The following PTPRD variants were observed in gnomAD, a reference collection of about 807,000 sequenced individuals.
PTPRD encodes receptor-type tyrosine-protein phosphatase delta.
In PTPRD, 34 loss-of-function variants were observed where a neutral mutation model predicts 214.5. The observed-to-expected ratio is 0.16, with a 90% CI of 0.12 to 0.21. The LOEUF (loss-of-function observed/expected upper bound fraction) is 0.21. PTPRD is among the 10% of genes least tolerant of loss of function. The probability of loss-of-function intolerance (pLI) is 1.00; values close to 1 mark genes in which losing one functional copy is unlikely to be tolerated. For missense variants in PTPRD, 2,545 were observed against 2,398.7 expected, an observed-to-expected ratio of 1.06 and a Z score of -1.27; for synonymous variants, 1,128 against 845.7, an observed-to-expected ratio of 1.33 and a Z score of -5.79.
At chr9:9,358,878 C>T (rs188226621) in intron 9 of PTPRD, among the ~76,000 whole-genome samples, 220 of 151,402 alleles carry the variant, frequency 1.5e-3, no homozygotes, top group African/African-American at 5.1e-3. Context: ...CTCTGAGAAG[C>T]CCACAATCAA....
At chr9:10,443,025 A>C (rs1463828362) in intron 2 of PTPRD, among the ~76,000 whole-genome samples, 1 of 151,050 alleles carries the variant, frequency 6.6e-6, no homozygotes, top group African/African-American at 2.4e-5. Context: ...AGAATTATAC[A>C]TTTTAAGATA....
intron 2 of PTPRD, among the ~76,000 whole-genome samples, chr9:10,369,637 G>T (rs1476494921): frequency 2.6e-5 from 4 of 151,998 alleles, no homozygotes; most frequent in African/African-American, 9.7e-5. Flanking sequence ...ATTTAATTTG[G>T]TTCTTCTAAG....
At chr9:9,527,978 C>T (rs534531228) in intron 8 of PTPRD, among the ~76,000 whole-genome samples, 2 of 152,158 alleles carry the variant, frequency 1.3e-5, no homozygotes, top group African/African-American at 4.8e-5. Flanking sequence ...GACTATGATC[C>T]CAAAAAGAAT....
chr9:8,659,309 G>A (rs555952902), intron 12 of PTPRD, among the ~76,000 whole-genome samples: 1 of 152,314 alleles, frequency 6.6e-6, no homozygotes, highest in Non-Finnish European at 1.5e-5. Context: ...TGGCTACCAT[G>A]CCAGAGAAGT....
chr9:10,439,322 G>A (rs1483567578), intron 2 of PTPRD, among the ~76,000 whole-genome samples: 2 of 151,698 alleles, frequency 1.3e-5, no homozygotes, highest in East Asian at 3.9e-4. Context: ...GAGCAATGCT[G>A]GCAACTAATG....
At chr9:9,866,579 A>C (rs1323729531) in intron 5 of PTPRD, among the ~76,000 whole-genome samples, 1 of 152,160 alleles carries the variant, frequency 6.6e-6, no homozygotes, top group Non-Finnish European at 1.5e-5. Context: ...AAATTTAAAG[A>C]GGGGAATAAT....
At chr9:10,558,599 T>C (rs1452111249) in intron 2 of PTPRD, among the ~76,000 whole-genome samples, 1 of 152,176 alleles carries the variant, frequency 6.6e-6, no homozygotes, top group Non-Finnish European at 1.5e-5. Context: ...TTACAGCATT[T>C]ACCATGATGT....
chr9:8,326,171 G>C (rs1833521304), intron 44 of PTPRD, among the ~76,000 whole-genome samples: 1 of 152,188 alleles, frequency 6.6e-6, no homozygotes, highest in African/African-American at 2.4e-5. Context: ...AGTGCTTCCA[G>C]TTTTTGCCCA....
intron 4 of PTPRD, among the ~76,000 whole-genome samples, chr9:9,975,903 G>T (rs1026746766): frequency 2.0e-5 from 3 of 152,144 alleles, no homozygotes; most frequent in Non-Finnish European, 4.4e-5. Context: ...GCATTATTTG[G>T]CATACAGTAT....
intron 4 of PTPRD, among the ~76,000 whole-genome samples, chr9:10,018,751 G>A (rs1293453009): frequency 3.8e-4 from 57 of 150,586 alleles, no homozygotes; most frequent in South Asian, 6.4e-4. Flanking sequence ...GGGTTTCACC[G>A]TTTTAGCCGG....
At chr9:8,722,213 A>G (rs1240093771) in intron 12 of PTPRD, among the ~76,000 whole-genome samples, 1 of 151,900 alleles carries the variant, frequency 6.6e-6, no homozygotes, top group Non-Finnish European at 1.5e-5. Flanking sequence ...AGGACTTCAC[A>G]TTCAGGATCT....
At chr9:10,427,051 G>A (rs956409649) in intron 2 of PTPRD, among the ~76,000 whole-genome samples, 1 of 151,920 alleles carries the variant, frequency 6.6e-6, no homozygotes, top group Non-Finnish European at 1.5e-5. Flanking sequence ...GGTATTTTGG[G>A]GGGTATTGTT....
At chr9:9,112,565 A>G (rs776595248) in intron 10 of PTPRD, among the ~76,000 whole-genome samples, 1 of 152,026 alleles carries the variant, frequency 6.6e-6, no homozygotes, top group Admixed American at 6.6e-5. Flanking sequence ...ATTGTAAGGC[A>G]CTCCCTGAAA....
At chr9:10,269,703 A>G (rs949690708) in intron 3 of PTPRD, among the ~76,000 whole-genome samples, 4 of 152,186 alleles carry the variant, frequency 2.6e-5, no homozygotes, top group Admixed American at 6.5e-5. Context: ...AAATTACAAC[A>G]TAACTTACTG....
At chr9:9,588,226 C>T (rs747173592) in intron 7 of PTPRD, among the ~76,000 whole-genome samples, 5 of 151,792 alleles carry the variant, frequency 3.3e-5, no homozygotes, top group Admixed American at 6.6e-5. Context: ...GTCCTTATCG[C>T]TCAGCAGAAT....
chr9:9,292,867 A>T (rs562699750), intron 9 of PTPRD, among the ~76,000 whole-genome samples: 6 of 151,338 alleles, frequency 4.0e-5, no homozygotes, highest in Non-Finnish European at 7.4e-5. Context: ...GTTTGTTTTC[A>T]TGGTTAGATT....
At chr9:9,771,630 G>C (rs1459055687) in intron 5 of PTPRD, among the ~76,000 whole-genome samples, 2 of 152,096 alleles carry the variant, frequency 1.3e-5, no homozygotes, top group African/African-American at 4.8e-5. Context: ...ACCTATCTTG[G>C]AGGAACTTTT....
At chr9:9,520,283 T>A (rs1036192722) in intron 8 of PTPRD, among the ~76,000 whole-genome samples, 63 of 76,230 alleles carry the variant, frequency 8.3e-4, no homozygotes, top group African/African-American at 1.8e-3. Context: ...ATATATATAT[T>A]AAGTTATATA....
intron 2 of PTPRD, among the ~76,000 whole-genome samples, chr9:10,342,016 T>G (rs748526483): frequency 6.6e-6 from 1 of 152,044 alleles, no homozygotes; most frequent in African/African-American, 2.4e-5. Flanking sequence ...CTTAAGTGTA[T>G]GCTAGGATCA....
Sources: allele counts gnomAD v4.1 joint callset (sites outside exome capture counted in the v4.1 genomes callset), GRCh38; gene constraint gnomAD v4.1.1; transcripts MANE v1.5; gene names NCBI Gene and HGNC (gene_info 2026-07-23, HGNC 2026-07-21).